Variants in CLDN10 observed in about 807,000 individuals in gnomAD.
CLDN10 encodes claudin 10.
In CLDN10, 15 loss-of-function variants were observed where a neutral mutation model predicts 22.9. The observed-to-expected ratio is 0.65, with a 90% CI of 0.44 to 1.01. The LOEUF is 1.01. Ranked by LOEUF, CLDN10 falls within the 50% of genes least tolerant of loss-of-function variation. The probability of loss-of-function intolerance (pLI) is 0.00; values close to 1 mark genes in which losing one functional copy is unlikely to be tolerated. For missense variants in CLDN10, 247 were observed against 287.8 expected (o/e 0.86, Z 1.03); for synonymous variants, 114 against 111.4 (o/e 1.02, Z -0.15).
chr13:95,560,510 A>G (rs1362637987), intron 3 of CLDN10, 47 bp downstream of exon 3: 1 of 1,434,362 alleles, frequency 7.0e-7, no homozygotes, highest in Admixed American at 1.7e-5. Context: ...AAGTGTATAT[A>G]AATTAATATT....
At chr13:95,502,589 A>T (rs1480392834) in intron 1 of CLDN10, among the ~76,000 whole-genome samples, 2 of 152,184 alleles carry the variant, frequency 1.3e-5, no homozygotes, top group African/African-American at 4.8e-5. Context: ...GCATGATCTC[A>T]GCTCACTGTA....
chr13:95,576,381 A>G (rs1594625848), intron 3 of CLDN10, among the ~76,000 whole-genome samples: 3 of 152,228 alleles, frequency 2.0e-5, no homozygotes, highest in Non-Finnish European at 4.4e-5. Context: ...ATGGGCCCCA[A>G]ATAAGAGTTA....
At chr13:95,466,104 C>A (rs1443016706) in intron 1 of CLDN10, among the ~76,000 whole-genome samples, 1 of 151,164 alleles carries the variant, frequency 6.6e-6, no homozygotes, top group African/African-American at 2.4e-5. Flanking sequence ...ATTTACTTTA[C>A]TATTAAAAAT....
At chr13:95,487,519 C>A (rs1000660037) in intron 1 of CLDN10, among the ~76,000 whole-genome samples, 2 of 152,054 alleles carry the variant, frequency 1.3e-5, no homozygotes, top group Non-Finnish European at 1.5e-5. Flanking sequence ...CCCTCCTAGA[C>A]CAGGAGTTTC....
intron 1 of CLDN10, among the ~76,000 whole-genome samples, chr13:95,453,508 C>T (rs190588082): frequency 2.0e-5 from 3 of 151,818 alleles, no homozygotes; most frequent in East Asian, 2.0e-4. Context: ...CATGGAGAAA[C>T]CCCATCTCTA....
chr13:95,472,669 CAA>C lies in CLDN10; in HGVS notation c.214+38638_214+38639del, dbSNP rs35872345. On this transcript the variant is annotated intron_variant, in intron 1 of 4. Coordinates refer to the CLDN10 transcript ENST00000376873. ...TGGGCAACAGAGCGAGACTCCGTCT[CAA>C]AAAAAAAAAAAAAAATAGAGTGGGA... 2.7e-3 allele frequency among the ~76,000 whole-genome samples: 289 copies of C among 106,250 alleles called. 1 individual carries two copies. Among genetic ancestry groups the C allele is most frequent in the African/African-American group, 9.0e-3 (255 of 28,190 alleles). The allele number at this position is 106,250 out of a possible 152,430, so 69.7% of individuals were successfully genotyped here.
At chr13:95,484,638 T>A (rs778315021) in intron 1 of CLDN10, among the ~76,000 whole-genome samples, 8 of 142,640 alleles carry the variant, frequency 5.6e-5, no homozygotes, top group Non-Finnish European at 1.1e-4. Flanking sequence ...AGGTCAGGAG[T>A]TCAAGACCAG....
intron 1 of CLDN10, among the ~76,000 whole-genome samples, chr13:95,522,549 C>T (rs1415761999): frequency 1.3e-5 from 2 of 151,918 alleles, no homozygotes; most frequent in African/African-American, 4.8e-5. Flanking sequence ...ATGCTTGATT[C>T]AAAATGTGAT....
At chr13:95,474,418 A>T (rs1105772) in intron 1 of CLDN10, among the ~76,000 whole-genome samples, 1 of 152,124 alleles carries the variant, frequency 6.6e-6, no homozygotes, top group Non-Finnish European at 1.5e-5. Flanking sequence ...CTCCTGCTGT[A>T]CGGCCTAGTT....
intron 1 of CLDN10, among the ~76,000 whole-genome samples, chr13:95,540,257 G>A (rs992969271): frequency 3.3e-5 from 5 of 151,812 alleles, no homozygotes; most frequent in Admixed American, 1.3e-4. Flanking sequence ...CTAAGATCAC[G>A]CCACTGCACT....
At chr13:95,529,117 T>A (rs1055481451) in intron 1 of CLDN10, among the ~76,000 whole-genome samples, 12 of 152,160 alleles carry the variant, frequency 7.9e-5, no homozygotes, top group East Asian at 3.8e-4. Flanking sequence ...ATTTTTTTTT[T>A]AATTTTTGTC....
At chr13:95,477,315 G>A (rs2139109954) in intron 1 of CLDN10, among the ~76,000 whole-genome samples, 1 of 152,302 alleles carries the variant, frequency 6.6e-6, no homozygotes, top group East Asian at 1.9e-4. Context: ...ATTTCAGCAG[G>A]CTCTGGGGCA....
At chr13:95,568,570 CCT>C (rs1315858890) in intron 3 of CLDN10, among the ~76,000 whole-genome samples, 1 of 152,062 alleles carries the variant, frequency 6.6e-6, no homozygotes, top group Non-Finnish European at 1.5e-5. Context: ...GTGGGGTGTC[CCT>C]GTTTTGGGTG....
chr13:95,443,284 A>C (rs1594521663), intron 1 of CLDN10, among the ~76,000 whole-genome samples: 1 of 152,186 alleles, frequency 6.6e-6, no homozygotes, highest in South Asian at 2.1e-4. Flanking sequence ...TAACGATGAT[A>C]ATGATGTTGT....
chr13:95,482,664 T>C (rs1377955572), intron 1 of CLDN10, among the ~76,000 whole-genome samples: 1 of 152,192 alleles, frequency 6.6e-6, no homozygotes, highest in Non-Finnish European at 1.5e-5. Flanking sequence ...ATGATGTACT[T>C]AATCCTGATT....
intron 1 of CLDN10, among the ~76,000 whole-genome samples, chr13:95,444,087 G>A (rs574812600): frequency 6.6e-6 from 1 of 152,124 alleles, no homozygotes; most frequent in East Asian, 1.9e-4. Context: ...CTCTCACAAG[G>A]TTCATAGCTC....
At chr13:95,550,628 A>C (rs2138637991), upstream of CLDN10, among the ~76,000 whole-genome samples, 1 of 152,310 alleles carries the variant, frequency 6.6e-6, no homozygotes, top group Admixed American at 6.5e-5. Flanking sequence ...TGGATCAGAA[A>C]TAGGCAGATT....
At chr13:95,518,306 A>G (rs1271345467) in intron 1 of CLDN10, among the ~76,000 whole-genome samples, 1 of 152,164 alleles carries the variant, frequency 6.6e-6, no homozygotes, top group Non-Finnish European at 1.5e-5. Flanking sequence ...TGTTACTCAA[A>G]CTGTTTTGGG....
chr13:95,532,792 C>CAAA (rs57500288), intron 1 of CLDN10, among the ~76,000 whole-genome samples: 817 of 61,048 alleles, frequency 0.013, 3 homozygotes, highest in East Asian at 0.024. Context: ...CTCAATTCAG[C>CAAA]AAAAAAAAAA....
Sources: allele counts gnomAD v4.1 joint callset (sites outside exome capture counted in the v4.1 genomes callset), GRCh38; gene constraint gnomAD v4.1.1; transcripts MANE v1.5; gene names NCBI Gene and HGNC (gene_info 2026-07-23, HGNC 2026-07-21).